PPARG: variants seen among roughly 807,000 people sequenced by gnomAD.
The protein encoded by PPARG is peroxisome proliferator-activated receptor gamma.
In PPARG, 17 loss-of-function variants were observed where a neutral mutation model predicts 39.2. The observed-to-expected ratio is 0.43, with a 90% CI of 0.30 to 0.65. The LOEUF (loss-of-function observed/expected upper bound fraction) is 0.65, where lower values mean the gene tolerates loss of function less well. Among genes scored for constraint, PPARG ranks in the 30% least tolerant of loss-of-function variants. PPARG has a pLI of 0.13. For synonymous variants in PPARG, 223 were observed against 215.7 expected, an observed-to-expected ratio of 1.03 and a Z score of -0.30; for missense variants, 406 against 585.9, an observed-to-expected ratio of 0.69 and a Z score of 3.17.
chr3:12,351,073 G>A (rs546969339), intron 2 of PPARG, among the ~76,000 whole-genome samples: 1 of 152,266 alleles, frequency 6.6e-6, no homozygotes, highest in South Asian at 2.1e-4. Context: ...TTCAAATAAT[G>A]TGATTAGAGA....
At chr3:12,383,249 A>T (rs1302183107) in intron 4 of PPARG, among the ~76,000 whole-genome samples, 1 of 152,160 alleles carries the variant, frequency 6.6e-6, no homozygotes, top group Non-Finnish European at 1.5e-5. Flanking sequence ...GACACTTTGA[A>T]ACACTCTGGC....
At chr3:12,293,241 G>T (rs978181945) in intron 1 of PPARG, among the ~76,000 whole-genome samples, 6 of 152,144 alleles carry the variant, frequency 3.9e-5, no homozygotes, top group African/African-American at 1.4e-4. Context: ...AAACTAGATT[G>T]TGTAAGTTCA....
At chr3:12,417,902 CTTTTTTTTTTTTTT>C (rs869086237) in intron 7 of PPARG, among the ~76,000 whole-genome samples, 2 of 65,900 alleles carry the variant, frequency 3.0e-5, no homozygotes, top group African/African-American at 1.2e-4. Flanking sequence ...TTTTTTTTTC[CTTTTTTTTTTTTTT>C]TTTTTTTTTG....
At chr3:12,306,942 C>CA (rs1485319761) in intron 1 of PPARG, among the ~76,000 whole-genome samples, 2 of 151,798 alleles carry the variant, frequency 1.3e-5, no homozygotes, top group African/African-American at 2.4e-5. Flanking sequence ...ACTAAAAATA[C>CA]AAAAAATTAG....
intron 2 of PPARG, among the ~76,000 whole-genome samples, chr3:12,328,767 G>A (rs912077248): frequency 5.9e-5 from 9 of 152,120 alleles, no homozygotes; most frequent in African/African-American, 2.2e-4. Context: ...TTTGACTAAC[G>A]CCTCAGCTTT....
intron 1 of PPARG, among the ~76,000 whole-genome samples, chr3:12,296,852 G>C (rs2046800241): frequency 6.6e-6 from 1 of 152,072 alleles, no homozygotes; most frequent in South Asian, 2.1e-4. Flanking sequence ...TACAAGATAT[G>C]GATTTGTAAA....
intron 2 of PPARG, among the ~76,000 whole-genome samples, chr3:12,338,717 A>T (rs944137682): frequency 2.6e-5 from 4 of 152,004 alleles, no homozygotes; most frequent in African/African-American, 7.2e-5. Flanking sequence ...TTCTTTTTCA[A>T]CTCTTCTGTG....
chr3:12,410,218 C>G (rs1245079388), intron 6 of PPARG, among the ~76,000 whole-genome samples: 1 of 152,146 alleles, frequency 6.6e-6, no homozygotes, highest in Non-Finnish European at 1.5e-5. Context: ...AGCCAAGGCC[C>G]CTTATTTAAG....
chr3:12,399,500 T>A, intron 5 of PPARG: 1 of 415,182 alleles, frequency 2.4e-6, no homozygotes, highest in South Asian at 1.8e-5. Context: ...GGTAGGAGCT[T>A]CCCTTGAACC....
At chr3:12,315,206 T>A (rs1358214517) in intron 2 of PPARG, among the ~76,000 whole-genome samples, 1 of 152,238 alleles carries the variant, frequency 6.6e-6, no homozygotes, top group Non-Finnish European at 1.5e-5. Context: ...GAACATGTGG[T>A]ATCTGTCTGC....
At chr3:12,292,326 G>A (rs920685178) in intron 1 of PPARG, among the ~76,000 whole-genome samples, 1 of 152,110 alleles carries the variant, frequency 6.6e-6, no homozygotes, top group Non-Finnish European at 1.5e-5. Context: ...ATTTGATAAA[G>A]CTCTAGTCTT....
intron 2 of PPARG, among the ~76,000 whole-genome samples, chr3:12,337,489 A>T (rs188366936): frequency 8.5e-5 from 13 of 152,306 alleles, no homozygotes; most frequent in African/African-American, 2.9e-4. Context: ...ATAATGGAAG[A>T]TTCCTTTTAA....
intron 2 of PPARG, chr3:12,351,727 G>A (rs2048494503): frequency 7.2e-7 from 1 of 1,390,160 alleles, no homozygotes; most frequent in African/African-American, 1.4e-5. Flanking sequence ...TTTATGTAAG[G>A]GTAAAATTGC....
At chr3:12,420,513 T>C (rs1187103487) in intron 7 of PPARG, among the ~76,000 whole-genome samples, 1 of 152,234 alleles carries the variant, frequency 6.6e-6, no homozygotes, top group African/African-American at 2.4e-5. Context: ...GGGATCCAGT[T>C]GGCCTCATTC....
chr3:12,382,829 G>A (rs1286694966), intron 4 of PPARG, among the ~76,000 whole-genome samples: 1 of 152,078 alleles, frequency 6.6e-6, no homozygotes, highest in African/African-American at 2.4e-5. Context: ...AAATTAACCA[G>A]GCATGGTGGC....
upstream of PPARG, among the ~76,000 whole-genome samples, chr3:12,288,603 G>A (rs990180537): frequency 2.0e-5 from 3 of 152,114 alleles, no homozygotes; most frequent in African/African-American, 7.2e-5. Flanking sequence ...TGCTGAGGAG[G>A]AGGTCCCGTT....
intron 2 of PPARG, among the ~76,000 whole-genome samples, chr3:12,319,970 A>T (rs752742184): frequency 4.6e-5 from 7 of 152,232 alleles, no homozygotes; most frequent in African/African-American, 1.2e-4. Flanking sequence ...GAATAAATCA[A>T]AATAGAAAGA....
intron 5 of PPARG, among the ~76,000 whole-genome samples, chr3:12,403,292 CAAA>C (rs35403303): frequency 7.3e-6 from 1 of 136,120 alleles, no homozygotes. Context: ...GACCCTGTCT[CAAA>C]AAAAAAAAAA....
chr3:12,421,254 A>G (rs576486842), intron 7 of PPARG, among the ~76,000 whole-genome samples: 1 of 152,260 alleles, frequency 6.6e-6, no homozygotes, highest in Admixed American at 6.5e-5. Context: ...CTATATCCCT[A>G]AGGTAGGCCC....
Sources: allele counts gnomAD v4.1 joint callset (sites outside exome capture counted in the v4.1 genomes callset), GRCh38; gene constraint gnomAD v4.1.1; transcripts MANE v1.5; gene names NCBI Gene and HGNC (gene_info 2026-07-23, HGNC 2026-07-21).